The following DNAH1 variants were observed in gnomAD, a reference collection of about 807,000 sequenced individuals.
The protein encoded by DNAH1 is dynein axonemal heavy chain 1, also known as axonemal beta dynein heavy chain 1.
Under a neutral mutation model 484.3 loss-of-function variants are expected in DNAH1, and 327 were observed. The ratio of observed to expected loss-of-function variants is 0.68; its 90% CI spans 0.62 to 0.74. DNAH1 has a LOEUF of 0.74. DNAH1 is among the 30% of genes least tolerant of loss of function. The pLI is 0.00. For synonymous variants in DNAH1, 2,192 were observed against 2,191.9 expected, an observed-to-expected ratio of 1.00 and a Z score of 0.00; for missense variants, 5,052 against 5,546.8, an observed-to-expected ratio of 0.91 and a Z score of 2.83.
At position 52,395,618 on chromosome 3, in the gene DNAH1, C is replaced by T; in HGVS notation, c.11199C>T (p.His3733=). 6.2e-7 allele frequency: 1 copy of T among 1,613,900 alleles called. No homozygotes were observed. The highest frequency in any genetic ancestry group is 8.5e-7 in the Non-Finnish European group (1 of 1,179,904). Residue 3733 remains histidine (H), a synonymous_variant, in exon 70 of 78, where the codon CAC becomes CAT. Transcript: ENST00000420323. The surrounding 1 kb of genome is among the most constrained non-coding windows in gnomAD (Gnocchi z 4.4). ...AATGGGTCTTCTTCCAGAACTGCCA[C>T]CTGGCACCAAGCTGGATGCCAGCCC... ...RGKWVFFQNC[H]LAPSWMPALE...
intron 56 of DNAH1, 146 bp from the exon 57 acceptor site, chr3:52,388,021 T>G: frequency 9.3e-7 from 1 of 1,070,102 alleles, no homozygotes; most frequent in Middle Eastern, 2.1e-4. Flanking sequence ...TGGGCTATGT[T>G]GTTCCTTAAG....
Position 52,350,563 on chromosome 3 carries a change from A to G in DNAH1, c.2702A>G (p.Asn901Ser), listed in dbSNP as rs1206881756. Residue 901 changes from asparagine (N) to serine (S), a missense_variant, in exon 16 of 78, where the codon AAC (asparagine) becomes AGC (serine). Around this residue, in one of 4 missense-constraint regions of DNAH1, gnomAD observed 1,263 missense variants for 1,218.8 expected, o/e 1.04. Coordinates refer to ENST00000420323, the MANE Select transcript of DNAH1 (RefSeq NM_015512.5). ...CAGGTCATGGATGAATTCCTCTACA[A>G]CCTCAGCTCAGATGACTTCAATGAC... ...DYQVMDEFLY[N>S]LSSDDFNDKW... The G allele has an allele frequency of 6.2e-7, 1 of 1,613,668 alleles. No homozygotes were observed. The highest frequency in any genetic ancestry group is 1.3e-5 in the African/African-American group (1 of 74,886).
At chr3:52,385,126 C>T (rs1704043096) in intron 53 of DNAH1, 149 bp downstream of exon 53, 2 of 1,128,540 alleles carry the variant, frequency 1.8e-6, no homozygotes, top group Admixed American at 2.7e-5. Flanking sequence ...ATCAAAAGAA[C>T]AAAAGTTGCC....
Position 52,393,393 on chromosome 3 carries a change from A to G in DNAH1, c.10534A>G (p.Asn3512Asp), listed in dbSNP as rs542965042. The G allele has an allele frequency of 6.0e-5, 97 of 1,614,036 alleles. 1 individual carries two copies. The South Asian group carries it at 9.0e-4, about 15-fold the overall frequency. ...NRYLTYSLYS[N>D]VCRSLFEKHK... Reference sequence around the variant, plus strand: ...CTACCTGACCTACAGCCTCTACAGCAACGTCTGCCGCAGCCTCTTTGAGAA... The same window carrying G: ...CTACCTGACCTACAGCCTCTACAGCGACGTCTGCCGCAGCCTCTTTGAGAA... Residue 3512 changes from asparagine to aspartate, a missense_variant, in exon 66 of 78, where the codon AAC becomes GAC. Physicochemically the swap from Asn to Asp is conservative, Grantham distance 23. Coordinates refer to ENST00000420323, the MANE Select transcript of DNAH1 (RefSeq NM_015512.5).
chr3:52,321,713 G>A (rs764008734), intron 1 of DNAH1: 2 of 152,230 alleles, frequency 1.3e-5, no homozygotes, highest in Non-Finnish European at 2.9e-5. Flanking sequence ...GAGGGTATAC[G>A]TTTCCTGAGC....
Position 52,370,194 on chromosome 3 carries a change from C to CT in DNAH1, c.6224dup (p.Asp2076GlyfsTer10). The CT allele has an allele frequency of 6.2e-7, 1 of 1,614,018 alleles. No homozygotes were observed. On this transcript the variant is annotated frameshift_variant, in exon 39 of 78. Transcript: ENST00000420323. LOFTEE classifies it high-confidence loss of function. Reference sequence around the variant, plus strand: ...CCTGACCATGAGCCTCCTCAAGCTGCTGGACTGCTTCTTCAAGCCCTTTCT... The same window carrying CT: ...CCTGACCATGAGCCTCCTCAAGCTGCTTGGACTGCTTCTTCAAGCCCTTTCT...
Position 52,368,945 on chromosome 3 carries a change from TCTC to T in DNAH1, c.5943+32_5943+34del. 6.2e-7 allele frequency: 1 copy of T among 1,605,372 alleles called. No homozygotes were observed. The stretch of plus-strand genomic sequence containing the variant: ...TGCACCTACCTGTCCACCTGCCCAC[TCTC>T]CTCCAAGGCTGGGTGGGCCTGGAGG... On this transcript the variant is annotated intron_variant, in intron 37 of 77. Transcript: ENST00000420323. This position sits in a 1 kb window ranked among gnomAD's most constrained non-coding sequence, Gnocchi z 4.4.
In DNAH1 at chr3:52,382,459, C is replaced by A. The variant is rs756656510; in HGVS notation, c.7941+4C>A. The A allele has an allele frequency of 6.2e-7, 1 of 1,613,568 alleles. No individual in the cohort carries two copies. The highest frequency in any genetic ancestry group is 1.7e-5 in the Admixed American group (1 of 60,018). ...CTTCCTCTTCTCAGACACCCAGGTG[C>A]CACTGCCACAGCAGAGGGCAGGGCT... On this transcript the variant is annotated splice_donor_region_variant and intron_variant, in intron 50 of 77. Transcript: ENST00000420323.
intron 7 of DNAH1, among the ~76,000 whole-genome samples, chr3:52,331,882 C>T (rs1349629232): frequency 6.6e-6 from 1 of 152,132 alleles, no homozygotes. Context: ...TCCTTGGCCT[C>T]CCAAAGTGCT....
At position 52,350,022 on chromosome 3, in the gene DNAH1, A is replaced by T; in HGVS notation, c.2560A>T (p.Ile854Phe). 1 of 1,613,128 alleles carries T rather than the reference A, an allele frequency of 6.2e-7. No individual in the cohort carries two copies. Among genetic ancestry groups the T allele is most frequent in the Non-Finnish European group, 8.5e-7 (1 of 1,179,686 alleles). The change falls in exon 15 of 78, where the codon ATC becomes TTC. Residue 854 changes from isoleucine (I) to phenylalanine (F), a missense_variant. By Grantham distance (21) the Ile-to-Phe change is conservative. This residue lies in a region of DNAH1 where 1,263 missense variants were observed against 1,218.8 expected (regional missense o/e 1.04). Coordinates refer to ENST00000420323, the MANE Select transcript of DNAH1 (RefSeq NM_015512.5). ...GGAGTTCCGCAGCATCAGCCGCAAG[A>T]TCTATGAGAAGCCCAACAGCATTGA... ...CEEFRSISRKIYEKPNSIEEL... is the reference protein window; with the variant it reads ...CEEFRSISRKFYEKPNSIEEL...
At chr3:52,388,094 C>T (rs1257336375) in intron 56 of DNAH1, 73 bp from the exon 57 acceptor site, 1 of 1,540,868 alleles carries the variant, frequency 6.5e-7, no homozygotes, top group African/African-American at 1.4e-5. Flanking sequence ...TCAGCAGGCC[C>T]CACATCCCAG....
At chr3:52,397,188 C>T (rs909702158) in intron 73 of DNAH1, 144 bp downstream of exon 73, 1 of 860,296 alleles carries the variant, frequency 1.2e-6, no homozygotes, top group Non-Finnish European at 1.8e-6. Flanking sequence ...CATCCCATCC[C>T]ACAAAGACAG....
chr3:52,327,385 T>G (rs1055881056), intron 5 of DNAH1, among the ~76,000 whole-genome samples: 6 of 152,178 alleles, frequency 3.9e-5, no homozygotes, highest in African/African-American at 7.2e-5. Context: ...CTCTCCTCTC[T>G]GCGGCCCTGA....
Position 52,361,589 on chromosome 3 carries a change from G to T in DNAH1, c.4875-72G>T. 2.0e-6 allele frequency: 3 copies of T among 1,468,528 alleles called. No homozygotes were observed. In the South Asian group the frequency reaches 3.7e-5, roughly 18 times the overall value. The allele number at this position is 1,468,528 out of a possible 1,614,324, so 91.0% of individuals were successfully genotyped here. Reference sequence around the variant, plus strand: ...CTTCCTCCCAAGTGGAGTTGGAGGGGGCCCTCAGAGGGAGGTGCCCAGATT... The same window carrying T: ...CTTCCTCCCAAGTGGAGTTGGAGGGTGCCCTCAGAGGGAGGTGCCCAGATT... On this transcript the variant is annotated intron_variant, in intron 29 of 77. Coordinates refer to ENST00000420323, the MANE Select transcript of DNAH1 (RefSeq NM_015512.5). The surrounding 1 kb of genome is among the most constrained non-coding windows in gnomAD (Gnocchi z 5.6).
chr3:52,379,882 C>A lies in DNAH1; in HGVS notation c.7378-23C>A. ...TGAGGGCTTGGGGGCCAAGGACAGG[C>A]ACCGATGCTGGGGCTACTGCAGGAC... On this transcript the variant is annotated intron_variant, in intron 47 of 77. Coordinates refer to ENST00000420323, the MANE Select transcript of DNAH1 (RefSeq NM_015512.5). This position sits in a 1 kb window ranked among gnomAD's most constrained non-coding sequence, Gnocchi z 4.4. 6.5e-7 allele frequency: 1 copy of A among 1,543,082 alleles called. No individual in the cohort carries two copies. Among genetic ancestry groups the A allele is most frequent in the Non-Finnish European group, 8.8e-7 (1 of 1,141,016 alleles).
rs111568726 is a variant in DNAH1 at position 52,332,371 on chromosome 3, G to A, written c.1263G>A (p.Thr421=). 10 of 1,613,570 alleles carry A rather than the reference G, an allele frequency of 6.2e-6. No homozygotes were observed. The highest frequency in any genetic ancestry group is 4.5e-5 in the East Asian group (2 of 44,878). The change falls in exon 8 of 78, where the codon ACG becomes ACA. Residue 421 remains threonine, a synonymous_variant. Transcript: ENST00000420323. ...LSKIKQWALS[T]PRMRKGPSVL... is the part of the protein sequence containing the mutation. ...AGATCAAGCAGTGGGCCCTGAGCAC[G>A]CCTCGGATGCGCAAAGGCCCCTCGT...
intron 44 of DNAH1, chr3:52,374,121 G>A (rs960840204): frequency 9.0e-5 from 105 of 1,162,924 alleles, no homozygotes; most frequent in Non-Finnish European, 1.3e-4. Context: ...ACCCTTCACA[G>A]AATCTATGGG....
In DNAH1 at chr3:52,353,671, G is replaced by A. The variant is rs1255272339; in HGVS notation, c.3480+38G>A. The A allele has an allele frequency of 9.0e-6, 14 of 1,557,356 alleles. No homozygotes were observed. The East Asian group carries it at 3.1e-4, about 35-fold the overall frequency. On this transcript the variant is annotated intron_variant, in intron 20 of 77. Transcript: ENST00000420323. This position sits in a 1 kb window ranked among gnomAD's most constrained non-coding sequence, Gnocchi z 5.0. ...CAGCGGGCCCAGCCACTCCAGCCAG[G>A]CCCTGCCGGACAGCCTGACCTCCTG... is the stretch of plus-strand genomic sequence containing the variant.
rs78936445 is a variant in DNAH1, at chr3:52,379,061, C to T, written c.7377+281C>T. Among the ~76,000 whole-genome samples, 1,698 of 152,266 alleles carry T rather than the reference C, an allele frequency of 0.011. 33 individuals carry two copies. Among genetic ancestry groups the T allele is most frequent in the African/African-American group, 0.039 (1,607 of 41,538 alleles). On this transcript the variant is annotated intron_variant, in intron 47 of 77. Transcript: ENST00000420323. The surrounding 1 kb of genome is among the most constrained non-coding windows in gnomAD (Gnocchi z 4.4). ...GGTTTGGGCCCTGCATGTGAGAACG[C>T]TTGAGGGACAGTGAGCAGGGTGCCC...
Sources: allele counts gnomAD v4.1 joint callset (sites outside exome capture counted in the v4.1 genomes callset), GRCh38; gene constraint gnomAD v4.1.1; regional missense constraint gnomAD v4.1.1; non-coding constraint Gnocchi (gnomAD v3.1); transcripts MANE v1.5; gene names NCBI Gene and HGNC (gene_info 2026-07-23, HGNC 2026-07-21).